Variants in LARGE1 observed in about 807,000 individuals in gnomAD.
The protein encoded by LARGE1 is xylosyl- and glucuronyltransferase LARGE1.
Under a neutral mutation model 87.6 loss-of-function variants are expected in LARGE1, and 43 were observed. That is an observed-to-expected ratio of 0.49 (90% CI 0.38 to 0.63). LARGE1 has a LOEUF of 0.63. Among genes scored for constraint, LARGE1 ranks in the 30% least tolerant of loss-of-function variants. LARGE1 has a pLI of 0.00. For missense variants in LARGE1, 802 were observed against 1,000.2 expected (o/e 0.80, Z 2.67); for synonymous variants, 434 against 394.6 (o/e 1.10, Z -1.18).
At chr22:33,360,062 C>T (rs1216938876) in intron 9 of LARGE1, among the ~76,000 whole-genome samples, 1 of 149,730 alleles carries the variant, frequency 6.7e-6, no homozygotes, top group Non-Finnish European at 1.5e-5. Flanking sequence ...ATCTGTAATC[C>T]CTGCACTTTG....
At chr22:33,410,900 G>A (rs2066285031) in intron 7 of LARGE1, among the ~76,000 whole-genome samples, 1 of 152,140 alleles carries the variant, frequency 6.6e-6, no homozygotes, top group South Asian at 2.1e-4. Flanking sequence ...TCAAATCTAA[G>A]CAATTAGTAC....
intron 6 of LARGE1, among the ~76,000 whole-genome samples, chr22:33,526,759 C>T (rs937499659): frequency 2.0e-5 from 3 of 152,214 alleles, no homozygotes; most frequent in Admixed American, 1.3e-4. Context: ...TTCCATTTCC[C>T]GGACTTCCTT....
chr22:33,502,688 C>T (rs2070523425), intron 6 of LARGE1, among the ~76,000 whole-genome samples: 1 of 152,128 alleles, frequency 6.6e-6, no homozygotes, highest in Non-Finnish European at 1.5e-5. Flanking sequence ...CCTACCTCAG[C>T]CTCCCAAGTA....
At chr22:33,475,418 T>C (rs2069028700) in intron 6 of LARGE1, among the ~76,000 whole-genome samples, 1 of 147,364 alleles carries the variant, frequency 6.8e-6, no homozygotes, top group Non-Finnish European at 1.5e-5. Flanking sequence ...TCAGCATCAG[T>C]GAGTCATATT....
At chr22:33,617,137 G>T (rs754991462) in intron 4 of LARGE1, among the ~76,000 whole-genome samples, 4 of 152,326 alleles carry the variant, frequency 2.6e-5, no homozygotes, top group Non-Finnish European at 5.9e-5. Context: ...GTCCAGGCTG[G>T]CCTCTGACCG....
At chr22:33,580,310 C>A (rs1204536367) in intron 5 of LARGE1, among the ~76,000 whole-genome samples, 1 of 150,766 alleles carries the variant, frequency 6.6e-6, no homozygotes, top group Non-Finnish European at 1.5e-5. Context: ...GCGGAGGTTG[C>A]GGTGAGTCGA....
the LARGE1 span, among the ~76,000 whole-genome samples, chr22:33,142,022 T>A: frequency 7.1e-6 from 1 of 141,824 alleles, no homozygotes; most frequent in Non-Finnish European, 1.6e-5. Flanking sequence ...AAATTACTGC[T>A]TACTTAACAA....
In LARGE1 at chr22:33,257,420, A is replaced by G. The variant is rs1022284026; in HGVS notation, c.1730+46809T>C. ...ACACCTGTAGTCCTAGCTACTTGGA[A>G]GGTAAAACAAAAACAAAAACAAAAA... On this transcript the variant is annotated intron_variant, in intron 11 of 11. Coordinates refer to the LARGE1 transcript ENST00000608642. Among the ~76,000 whole-genome samples the G allele has an allele frequency of 3.0e-5, 4 of 134,052 alleles. No individual in the cohort carries two copies. The Admixed American group carries it at 3.3e-4, about 11-fold the overall frequency. The allele number at this position is 134,052 out of a possible 152,430, so 87.9% of individuals were successfully genotyped here.
chr22:33,643,117 C>CT (rs1358545361), intron 3 of LARGE1, among the ~76,000 whole-genome samples: 1 of 152,150 alleles, frequency 6.6e-6, no homozygotes, highest in South Asian at 2.1e-4. Flanking sequence ...CCATAAAGCA[C>CT]TTATTCTAAA....
chr22:33,469,623 G>C (rs973993276), intron 6 of LARGE1, among the ~76,000 whole-genome samples: 2 of 151,932 alleles, frequency 1.3e-5, no homozygotes, highest in African/African-American at 2.4e-5. Context: ...TCAGGAGTTC[G>C]AGACCAGTCT....
intron 6 of LARGE1, among the ~76,000 whole-genome samples, chr22:33,465,754 A>G (rs972399774): frequency 6.6e-6 from 1 of 152,212 alleles, no homozygotes; most frequent in East Asian, 1.9e-4. Flanking sequence ...TGCCAAGAAC[A>G]TTCCTTAAAA....
intron 3 of LARGE1, among the ~76,000 whole-genome samples, chr22:33,639,246 G>A (rs2080359050): frequency 6.6e-6 from 1 of 152,160 alleles, no homozygotes; most frequent in African/African-American, 2.4e-5. Context: ...AAAAGAAAGG[G>A]AGGTTGGGTC....
downstream of LARGE1, among the ~76,000 whole-genome samples, chr22:33,159,833 C>T (rs1042947929): frequency 4.0e-5 from 6 of 151,444 alleles, 1 homozygote; most frequent in South Asian, 4.2e-4. Flanking sequence ...ATGATCCACC[C>T]GCCTCAGCCT....
intron 1 of LARGE1, among the ~76,000 whole-genome samples, chr22:33,808,018 C>T (rs1185253275): frequency 6.6e-6 from 1 of 152,178 alleles, no homozygotes; most frequent in Non-Finnish European, 1.5e-5. Flanking sequence ...TGGGTAAATA[C>T]CAAGTTGTGA....
intron 1 of LARGE1, among the ~76,000 whole-genome samples, chr22:33,783,359 G>A (rs1357289696): frequency 6.6e-6 from 1 of 152,204 alleles, no homozygotes; most frequent in East Asian, 1.9e-4. Flanking sequence ...GAGGTCAGGA[G>A]TTCGAGAACA....
chr22:33,793,753 T>A (rs1023978891), intron 1 of LARGE1, among the ~76,000 whole-genome samples: 1 of 151,266 alleles, frequency 6.6e-6, no homozygotes, highest in African/African-American at 2.4e-5. Context: ...TCACTGCAGA[T>A]CTCTGTTTTC....
intron 9 of LARGE1, among the ~76,000 whole-genome samples, chr22:33,377,797 C>T (rs2065035250): frequency 6.6e-6 from 1 of 152,146 alleles, no homozygotes; most frequent in African/African-American, 2.4e-5. Flanking sequence ...TCTTATACCT[C>T]TTCCAGTTCA....
chr22:33,075,132 A>G, the LARGE1 span, among the ~76,000 whole-genome samples: 1 of 152,146 alleles, frequency 6.6e-6, no homozygotes, highest in Admixed American at 6.5e-5. Flanking sequence ...CCAAGTAGCT[A>G]ATTGGATTCT....
At chr22:33,538,999 ATAGAT>A (rs1438439979) in intron 6 of LARGE1, among the ~76,000 whole-genome samples, 1 of 152,270 alleles carries the variant, frequency 6.6e-6, no homozygotes, top group Non-Finnish European at 1.5e-5. Flanking sequence ...AATACATTAA[ATAGAT>A]TAGAAAAGAA....
Sources: allele counts gnomAD v4.1 joint callset (sites outside exome capture counted in the v4.1 genomes callset), GRCh38; gene constraint gnomAD v4.1.1; transcripts MANE v1.5; gene names NCBI Gene and HGNC (gene_info 2026-07-23, HGNC 2026-07-21).